The following PTPRT variants were observed in gnomAD, a reference collection of about 807,000 sequenced individuals.
PTPRT encodes receptor-type tyrosine-protein phosphatase T.
In PTPRT, 56 loss-of-function variants were observed where a neutral mutation model predicts 176.8. The ratio of observed to expected loss-of-function variants is 0.32; its 90% confidence interval spans 0.26 to 0.40. The LOEUF (loss-of-function observed/expected upper bound fraction) is 0.40, where lower values mean the gene tolerates loss of function less well. Among genes scored for constraint, PTPRT ranks in the 10% least tolerant of loss-of-function variants. The probability of loss-of-function intolerance (pLI) is 1.00; values close to 1 mark genes in which losing one functional copy is unlikely to be tolerated. For missense variants in PTPRT, 1,540 were observed against 1,908.2 expected (o/e 0.81, Z 3.60); for synonymous variants, 783 against 739.0 (o/e 1.06, Z -0.96).
intron 2 of PTPRT, among the ~76,000 whole-genome samples, chr20:42,862,852 G>T (rs748773700): frequency 6.6e-6 from 1 of 152,144 alleles, no homozygotes; most frequent in Non-Finnish European, 1.5e-5. Flanking sequence ...GCAGGGGGTG[G>T]TCTTTTTAGC....
chr20:42,436,280 C>A (rs921640885), intron 9 of PTPRT, among the ~76,000 whole-genome samples: 63 of 151,918 alleles, frequency 4.1e-4, no homozygotes, highest in African/African-American at 1.4e-3. Context: ...TTCAAAGATA[C>A]CTTAGAAGAA....
At chr20:43,146,825 C>T (rs2014184765) in intron 1 of PTPRT, among the ~76,000 whole-genome samples, 1 of 152,068 alleles carries the variant, frequency 6.6e-6, no homozygotes, top group Non-Finnish European at 1.5e-5. Flanking sequence ...CCTGTGGACC[C>T]TACTTTAGAA....
chr20:42,714,166 G>A (rs1480518108), intron 6 of PTPRT, among the ~76,000 whole-genome samples: 1 of 152,166 alleles, frequency 6.6e-6, no homozygotes, highest in Non-Finnish European at 1.5e-5. Flanking sequence ...AAGAGCTATG[G>A]GATAGCTGAG....
rs79173318 is a variant in PTPRT at position 43,120,551 on chromosome 20, G to A, written c.88+69095C>T. 3.3e-5 allele frequency among the ~76,000 whole-genome samples: 5 copies of A among 152,206 alleles called. No homozygotes were observed. In the East Asian group the frequency reaches 5.8e-4, roughly 18 times the overall value. On this transcript the variant is annotated intron_variant, in intron 1 of 30. Coordinates refer to ENST00000373187, the MANE Select transcript of PTPRT (RefSeq NM_007050.6). ...CTCCCAAAGTGCTGGGATTGCAGGC[G>A]TGAGCCACCACACCCGGCCCAGATT...
At chr20:42,085,055 C>T (rs1983745584) in intron 28 of PTPRT, among the ~76,000 whole-genome samples, 1 of 152,130 alleles carries the variant, frequency 6.6e-6, no homozygotes, top group Non-Finnish European at 1.5e-5. Context: ...CCTTTTGTAC[C>T]TGAAAAACTC....
At chr20:43,136,026 G>C (rs2013821080) in intron 1 of PTPRT, among the ~76,000 whole-genome samples, 1 of 152,222 alleles carries the variant, frequency 6.6e-6, no homozygotes, top group Non-Finnish European at 1.5e-5. Context: ...CAGCTATTAA[G>C]CTAGTCTCAT....
At position 42,085,781 on chromosome 20, in the gene PTPRT, C is replaced by G. The variant is rs1447304698; in HGVS notation, c.3919G>C (p.Asp1307His). 6.2e-7 allele frequency: 1 copy of G among 1,614,044 alleles called. No individual in the cohort carries two copies. Among genetic ancestry groups the G allele is most frequent in the Non-Finnish European group, 8.5e-7 (1 of 1,179,960 alleles). ...CTGTGGATGATGTCCTCGTCGATGT[C>G]TGCGGAGACGAACTCCACCTGGATG... The part of the protein sequence containing the change: ...GPIQVEFVSA[D>H]IDEDIIHRIF... Residue 1307 changes from aspartate (D) to histidine (H), a missense_variant, in exon 28 of 31, where the codon GAC becomes CAC. Around this residue, in one of 11 missense-constraint regions of PTPRT, gnomAD observed 342 missense variants for 394.0 expected, o/e 0.87. Transcript: ENST00000373187.
At chr20:42,051,231 T>C in the PTPRT span, among the ~76,000 whole-genome samples, 83 of 152,118 alleles carry the variant, frequency 5.5e-4, no homozygotes, top group Non-Finnish European at 5.7e-4. Context: ...AACAGCAGTG[T>C]GTCAGTGTGT....
intron 7 of PTPRT, among the ~76,000 whole-genome samples, chr20:42,614,818 C>T (rs995247801): frequency 1.3e-5 from 2 of 152,012 alleles, no homozygotes; most frequent in African/African-American, 2.4e-5. Context: ...GCCTCACAAT[C>T]ATGGCAGAAG....
chr20:42,330,333 C>T (rs184795954), intron 11 of PTPRT, among the ~76,000 whole-genome samples: 3 of 151,806 alleles, frequency 2.0e-5, no homozygotes, highest in African/African-American at 4.8e-5. Context: ...ATTAGCTGGG[C>T]GTGGTAGGGG....
intron 1 of PTPRT, among the ~76,000 whole-genome samples, chr20:43,061,087 A>AATGGGTGGATGGATGG (rs1555825210): frequency 2.7e-5 from 4 of 149,914 alleles, no homozygotes; most frequent in Non-Finnish European, 3.0e-5. Context: ...CGGATAAATG[A>AATGGGTGGATGGATGG]ATGGATGGAT....
intron 1 of PTPRT, among the ~76,000 whole-genome samples, chr20:43,032,793 A>T (rs953109630): frequency 6.6e-6 from 1 of 152,188 alleles, no homozygotes; most frequent in East Asian, 1.9e-4. Flanking sequence ...CTGCCCGTAA[A>T]AAGTGAAGCC....
chr20:42,085,028 G>A (rs770348904), intron 28 of PTPRT, among the ~76,000 whole-genome samples, 183 bp from the exon 29 acceptor site: 6 of 152,160 alleles, frequency 3.9e-5, no homozygotes, highest in Admixed American at 1.3e-4. Flanking sequence ...TTCTCTTGCC[G>A]TGACTGCCCT....
intron 18 of PTPRT, among the ~76,000 whole-genome samples, chr20:42,130,591 C>A (rs1034635899): frequency 1.3e-5 from 2 of 152,118 alleles, no homozygotes; most frequent in Admixed American, 1.3e-4. Flanking sequence ...AGGAATGGGT[C>A]CTATTATGGA....
intron 9 of PTPRT, among the ~76,000 whole-genome samples, chr20:42,372,978 C>T (rs998895946): frequency 6.6e-6 from 1 of 152,226 alleles, no homozygotes; most frequent in Non-Finnish European, 1.5e-5. Flanking sequence ...AAAACAATGT[C>T]TAACTAAAAT....
chr20:43,022,781 A>G (rs1985747204), intron 1 of PTPRT, among the ~76,000 whole-genome samples: 1 of 152,214 alleles, frequency 6.6e-6, no homozygotes. Context: ...AGAACACACA[A>G]GGCTGTGTGG....
At chr20:42,951,322 GTGGA>G (rs963694236) in intron 1 of PTPRT, among the ~76,000 whole-genome samples, 1 of 151,702 alleles carries the variant, frequency 6.6e-6, no homozygotes, top group African/African-American at 2.4e-5. Flanking sequence ...TGGGGGATGA[GTGGA>G]TGGATGGGCA....
intron 1 of PTPRT, among the ~76,000 whole-genome samples, chr20:43,010,505 C>T (rs981951679): frequency 6.6e-6 from 1 of 152,102 alleles, no homozygotes; most frequent in African/African-American, 2.4e-5. Flanking sequence ...CTTATATCAA[C>T]CTAGAACTTT....
At chr20:42,133,732 T>C (rs1220233848) in intron 18 of PTPRT, among the ~76,000 whole-genome samples, 2 of 152,238 alleles carry the variant, frequency 1.3e-5, no homozygotes, top group Non-Finnish European at 2.9e-5. Context: ...TTGTAATGAA[T>C]GTACCACACT....
Sources: allele counts gnomAD v4.1 joint callset (sites outside exome capture counted in the v4.1 genomes callset), GRCh38; gene constraint gnomAD v4.1.1; regional missense constraint gnomAD v4.1.1; transcripts MANE v1.5; gene names NCBI Gene and HGNC (gene_info 2026-07-23, HGNC 2026-07-21).